Variants in VTI1A observed in about 807,000 individuals in gnomAD.
VTI1A encodes the protein vesicle transport through interaction with t-SNAREs 1A.
VTI1A carries 22 observed loss-of-function variants against 34.9 expected under a neutral mutation model. That is an observed-to-expected ratio of 0.63 (90% CI 0.45 to 0.90). The LOEUF is 0.90. VTI1A is among the 40% of genes least tolerant of loss of function. The pLI is 0.00. For missense variants in VTI1A, 268 were observed against 275.6 expected (o/e 0.97, Z 0.20); for synonymous variants, 87 against 97.3 (o/e 0.89, Z 0.62).
intron 7 of VTI1A, among the ~76,000 whole-genome samples, chr10:112,672,565 A>G (rs1847888766): frequency 6.6e-6 from 1 of 152,230 alleles, no homozygotes; most frequent in Admixed American, 6.5e-5. Flanking sequence ...GTGACCATTT[A>G]TGTTGTAACT....
intron 5 of VTI1A, among the ~76,000 whole-genome samples, chr10:112,548,054 C>T (rs1589889302): frequency 1.3e-5 from 2 of 152,026 alleles, no homozygotes; most frequent in Non-Finnish European, 2.9e-5. Flanking sequence ...TTTTGAGGTG[C>T]CTTTTTAATG....
the VTI1A span, among the ~76,000 whole-genome samples, chr10:112,830,217 C>T: frequency 6.6e-6 from 1 of 152,112 alleles, no homozygotes; most frequent in East Asian, 1.9e-4. Context: ...AAGCCTCTGA[C>T]TTGGCATAGC....
At chr10:112,787,077 C>T (rs1432170180) in intron 7 of VTI1A, among the ~76,000 whole-genome samples, 1 of 152,134 alleles carries the variant, frequency 6.6e-6, no homozygotes, top group Non-Finnish European at 1.5e-5. Flanking sequence ...ATCCAACTTA[C>T]TTGCTTGTTA....
intron 5 of VTI1A, among the ~76,000 whole-genome samples, chr10:112,581,897 G>A (rs972331355): frequency 6.6e-6 from 1 of 152,144 alleles, no homozygotes; most frequent in Non-Finnish European, 1.5e-5. Flanking sequence ...AACTACAATT[G>A]GAATATCTTT....
chr10:112,647,691 A>G (rs1473241884), intron 5 of VTI1A, among the ~76,000 whole-genome samples: 1 of 152,250 alleles, frequency 6.6e-6, no homozygotes, highest in African/African-American at 2.4e-5. Flanking sequence ...GTTTATTATC[A>G]GTATAGAAAG....
At chr10:112,471,317 T>G (rs920470455) in intron 3 of VTI1A, among the ~76,000 whole-genome samples, 36 of 152,030 alleles carry the variant, frequency 2.4e-4, no homozygotes, top group Non-Finnish European at 4.6e-4. Context: ...CCATTTATAC[T>G]GTTACCATTC....
At chr10:112,644,889 G>T (rs1172980930) in intron 5 of VTI1A, among the ~76,000 whole-genome samples, 2 of 152,084 alleles carry the variant, frequency 1.3e-5, no homozygotes, top group Admixed American at 1.3e-4. Context: ...GAATAGTTTA[G>T]TTTCAATCAT....
At chr10:112,629,356 T>C (rs1846045193) in intron 5 of VTI1A, among the ~76,000 whole-genome samples, 1 of 152,246 alleles carries the variant, frequency 6.6e-6, no homozygotes, top group Non-Finnish European at 1.5e-5. Flanking sequence ...ATTTTCCTCC[T>C]ACACTATTCC....
rs542821991 is a variant in VTI1A, at chr10:112,555,845, T to C, written c.427+17515T>C. On this transcript the variant is annotated intron_variant, in intron 5 of 7. Coordinates refer to ENST00000393077, the MANE Select transcript of VTI1A (RefSeq NM_145206.4). ...GTTTTGGTGTTTAAGGAGATAATCA[T>C]TGGACATGGTGGTCATTTATCAGTG... 2.0e-5 allele frequency among the ~76,000 whole-genome samples: 3 copies of C among 152,178 alleles called. No homozygotes were observed. The South Asian group carries it at 6.2e-4, about 32-fold the overall frequency.
chr10:112,607,205 T>G (rs993669969), intron 5 of VTI1A, among the ~76,000 whole-genome samples: 2 of 151,622 alleles, frequency 1.3e-5, no homozygotes, highest in African/African-American at 4.9e-5. Flanking sequence ...GAGAATCACT[T>G]GAACCCGGGA....
chr10:112,730,292 T>C (rs1022693906), intron 7 of VTI1A, among the ~76,000 whole-genome samples: 19 of 152,238 alleles, frequency 1.2e-4, no homozygotes, highest in Admixed American at 6.5e-5. Flanking sequence ...ACCTGAGTTT[T>C]CCATTTCTCC....
At chr10:112,628,035 C>T (rs1186452662) in intron 5 of VTI1A, among the ~76,000 whole-genome samples, 3 of 152,086 alleles carry the variant, frequency 2.0e-5, no homozygotes, top group Non-Finnish European at 2.9e-5. Context: ...ACTACGTATG[C>T]AAAACCACAC....
chr10:112,708,293 T>G (rs922175983), intron 7 of VTI1A, among the ~76,000 whole-genome samples: 2 of 152,264 alleles, frequency 1.3e-5, no homozygotes, highest in Non-Finnish European at 2.9e-5. Context: ...TGAAAAAGAC[T>G]TGGCCTCCAC....
At chr10:112,520,659 A>C (rs1159828424) in intron 3 of VTI1A, among the ~76,000 whole-genome samples, 3 of 148,902 alleles carry the variant, frequency 2.0e-5, no homozygotes, top group Non-Finnish European at 4.5e-5. Flanking sequence ...ATATATATAT[A>C]TATATATATA....
chr10:112,518,547 TTCTCTCTC>T (rs57853028), intron 3 of VTI1A, among the ~76,000 whole-genome samples: 33,524 of 100,730 alleles, frequency 0.33, 5,305 homozygotes, highest in Non-Finnish European at 0.36. Flanking sequence ...TCATATCTCT[TTCTCTCTC>T]TCTCTCTCTC....
At chr10:112,776,147 C>T (rs1851949879) in intron 7 of VTI1A, among the ~76,000 whole-genome samples, 1 of 152,200 alleles carries the variant, frequency 6.6e-6, no homozygotes, top group African/African-American at 2.4e-5. Flanking sequence ...ATTGTTGCTG[C>T]AGCCTGCATT....
intron 5 of VTI1A, among the ~76,000 whole-genome samples, chr10:112,549,294 C>T (rs952290934): frequency 1.3e-5 from 2 of 152,184 alleles, no homozygotes; most frequent in African/African-American, 2.4e-5. Flanking sequence ...CAACAGGTTT[C>T]GTTGAGCCCT....
intron 7 of VTI1A, among the ~76,000 whole-genome samples, chr10:112,801,366 T>C (rs1006904452): frequency 3.9e-5 from 6 of 152,170 alleles, no homozygotes; most frequent in African/African-American, 1.4e-4. Context: ...AATGACATCT[T>C]GTATGCAATA....
At chr10:112,646,391 T>G (rs1846784974) in intron 5 of VTI1A, among the ~76,000 whole-genome samples, 1 of 152,100 alleles carries the variant, frequency 6.6e-6, no homozygotes, top group South Asian at 2.1e-4. Context: ...GATTATTATA[T>G]CCAAAGATAT....
Sources: gnomAD v4.1 joint callset for allele counts (sites outside exome capture counted in the v4.1 genomes callset) on GRCh38, gnomAD v4.1.1 for gene constraint, MANE v1.5 for transcripts, NCBI Gene and HGNC (gene_info 2026-07-23, HGNC 2026-07-21) for gene names.